ACACB: variants seen among roughly 807,000 people sequenced by gnomAD.
The protein encoded by ACACB is acetyl-CoA carboxylase 2.
A neutral mutation model predicts 278.8 loss-of-function variants in ACACB; 209 were observed. The ratio of observed to expected loss-of-function variants is 0.75; its 90% CI spans 0.67 to 0.84. The LOEUF (loss-of-function observed/expected upper bound fraction) is 0.84. Among genes scored for constraint, ACACB ranks in the 40% least tolerant of loss-of-function variants. ACACB has a pLI of 0.00. For missense variants in ACACB, 2,850 were observed against 3,269.0 expected (o/e 0.87, Z 3.13); for synonymous variants, 1,174 against 1,285.6 (o/e 0.91, Z 1.86).
In ACACB at chr12:109,232,695, A is replaced by T. The variant is rs1271953515; in HGVS notation, c.4028A>T (p.Asn1343Ile). Residue 1343 changes from asparagine (N) to isoleucine (I), a missense_variant, in exon 29 of 53, where the codon AAC becomes ATC. By Grantham distance (149) the Asn-to-Ile change is moderately radical. Around this residue, in one of 3 missense-constraint regions of ACACB, gnomAD observed 2,265 missense variants for 2,561.3 expected, o/e 0.88. Coordinates refer to ENST00000338432, the MANE Select transcript of ACACB (RefSeq NM_001093.4). Reference protein sequence around the residue: ...NRMTVPISITNPDLLRHSTEL... With the variant: ...NRMTVPISITIPDLLRHSTEL... Reference sequence around the variant, plus strand: ...ATGACCGTGCCCATCAGCATCACCAACCCTGACCTGCTGAGGCACAGCACA... The same window carrying T: ...ATGACCGTGCCCATCAGCATCACCATCCCTGACCTGCTGAGGCACAGCACA... 2 of 1,613,800 alleles carry T rather than the reference A, an allele frequency of 1.2e-6. No homozygotes were observed. The highest frequency in any genetic ancestry group is 2.7e-5 in the African/African-American group (2 of 74,834).
At chr12:109,130,143 G>A (rs1229071898) in intron 1 of ACACB, among the ~76,000 whole-genome samples, 1 of 152,134 alleles carries the variant, frequency 6.6e-6, no homozygotes, top group African/African-American at 2.4e-5. Context: ...CACTGCCCAT[G>A]GTGCTCTGAG....
Position 109,246,461 on chromosome 12 carries a change from A to G in ACACB, c.5571+13A>G. ...AGACCCCCACAAAGTACGTCGTGAA[A>G]CTGGCGGGGCAGGGTGATTCTGCTC... On this transcript the variant is annotated intron_variant, in intron 39 of 52. Coordinates refer to ENST00000338432, the MANE Select transcript of ACACB (RefSeq NM_001093.4). 1.2e-6 allele frequency: 2 copies of G among 1,606,020 alleles called. No homozygotes were observed. The highest frequency in any genetic ancestry group is 1.7e-6 in the Non-Finnish European group (2 of 1,173,698).
At chr12:109,128,641 T>G (rs1450589996) in intron 1 of ACACB, among the ~76,000 whole-genome samples, 1 of 152,080 alleles carries the variant, frequency 6.6e-6, no homozygotes, top group Non-Finnish European at 1.5e-5. Flanking sequence ...ACCCAGTCAG[T>G]AATTAGATTT....
intron 37 of ACACB, 61 bp downstream of exon 37, chr12:109,242,653 C>G: frequency 6.4e-7 from 1 of 1,567,968 alleles, no homozygotes; most frequent in Non-Finnish European, 8.7e-7. Flanking sequence ...CCACCAGAAC[C>G]AAAGCCCATC....
chr12:109,179,117 C>A lies in ACACB; in HGVS notation c.1467C>A (p.Ile489=), dbSNP rs555723310. 728 of 1,613,748 alleles carry A rather than the reference C, an allele frequency of 4.5e-4. 4 individuals carry two copies. In the South Asian group the frequency reaches 7.0e-3, roughly 16 times the overall value. The change falls in exon 10 of 53, where the codon ATC becomes ATA. Residue 489 remains isoleucine (I), a synonymous_variant. Coordinates refer to ENST00000338432, the MANE Select transcript of ACACB (RefSeq NM_001093.4). ...AGAGTGAGATCCCAGGCTCGCCCATCTTTCTCATGAAGCTGGCCCAGCACG... is the reference window on the plus strand; with the variant it reads ...AGAGTGAGATCCCAGGCTCGCCCATATTTCTCATGAAGCTGGCCCAGCACG... ...QVQSEIPGSP[I]FLMKLAQHAR... is the part of the protein sequence containing the mutation.
At chr12:109,220,554 T>A (rs569700395) in intron 24 of ACACB, among the ~76,000 whole-genome samples, 1 of 152,070 alleles carries the variant, frequency 6.6e-6, no homozygotes, top group East Asian at 1.9e-4. Flanking sequence ...GTTGTTGTTG[T>A]TGTTTGTTTG....
intron 27 of ACACB, 137 bp downstream of exon 27, chr12:109,224,041 A>G: frequency 1.3e-6 from 1 of 774,426 alleles, no homozygotes; most frequent in Non-Finnish European, 2.2e-6. Context: ...AGCTATGTTA[A>G]TAGTCCCATC....
chr12:109,216,918 A>T lies in ACACB; in HGVS notation c.3562A>T (p.Ile1188Phe). Residue 1188 changes from isoleucine to phenylalanine, a missense_variant and splice_region_variant, in exon 24 of 53, where the codon ATC becomes TTC. Ile to Phe is a conservative substitution (Grantham distance 21, BLOSUM62 0). This residue lies in a region of ACACB where 2,265 missense variants were observed against 2,561.3 expected (regional missense o/e 0.88). Transcript: ENST00000338432. ...GAAGAACCAGCTGGTGATCATGTTG[A>T]TCGTAAGCAGGAAGAGGGCCTGTTA... ...AKKNQLVIML[I>F]DELCGPDPSL... 2 of 1,613,160 alleles carry T rather than the reference A, an allele frequency of 1.2e-6. No individual in the cohort carries two copies. The highest frequency in any genetic ancestry group is 8.5e-7 in the Non-Finnish European group (1 of 1,179,914).
chr12:109,241,085 A>T lies in ACACB; in HGVS notation c.4826A>T (p.Glu1609Val), dbSNP rs368342694. The T allele has an allele frequency of 5.0e-5, 80 of 1,613,684 alleles. No individual in the cohort carries two copies. Among genetic ancestry groups the T allele is most frequent in the Non-Finnish European group, 6.5e-5 (77 of 1,179,762 alleles). ...TGCTGTGTTTTGGGGCAGATCGAGG[A>T]GTCCGTGCGCTACATGGTTATGCGC... is the stretch of plus-strand genomic sequence containing the variant. ...TVIMDPFKIE[E>V]SVRYMVMRYG... The change falls in exon 36 of 53, where the codon GAG (glutamate) becomes GTG (valine). Residue 1609 changes from glutamate to valine, a missense_variant. Coordinates refer to ENST00000338432, the MANE Select transcript of ACACB (RefSeq NM_001093.4).
chr12:109,260,366 C>G lies in ACACB; in HGVS notation c.6497-114C>G, dbSNP rs2047347100. 3.7e-6 allele frequency: 5 copies of G among 1,362,674 alleles called. No individual in the cohort carries two copies. In the South Asian group the frequency reaches 3.9e-5, roughly 11 times the overall value. The allele number at this position is 1,362,674 out of a possible 1,614,324, so 84.4% of individuals were successfully genotyped here. On this transcript the variant is annotated intron_variant, in intron 47 of 52. Coordinates refer to ENST00000338432, the MANE Select transcript of ACACB (RefSeq NM_001093.4). ...TACTCTCAAATCCCAGCCCAGTGCT[C>G]TCCAAGCCTCTCAGCTGGGCTCACT...
intron 14 of ACACB, 36 bp from the exon 15 acceptor site, chr12:109,191,811 G>A (rs754368343): frequency 2.8e-5 from 45 of 1,614,014 alleles, no homozygotes; most frequent in Non-Finnish European, 3.0e-5. Context: ...CCGAGACCTC[G>A]GCTTCCTGAG....
At chr12:109,161,690 G>GTA (rs201029917) in intron 2 of ACACB, among the ~76,000 whole-genome samples, 67 of 151,048 alleles carry the variant, frequency 4.4e-4, no homozygotes, top group African/African-American at 1.1e-3. Context: ...AAAATTTGGT[G>GTA]TATATATATA....
At position 109,265,413 on chromosome 12, in the gene ACACB, G is replaced by T. The variant is rs148106171; in HGVS notation, c.7138G>T (p.Val2380Leu). 9 of 1,613,832 alleles carry T rather than the reference G, an allele frequency of 5.6e-6. No homozygotes were observed. The highest frequency in any genetic ancestry group is 7.6e-6 in the Non-Finnish European group (9 of 1,179,972). Residue 2380 changes from valine to leucine, a missense_variant, in exon 52 of 53, where the codon GTG (valine) becomes TTG (leucine). Transcript: ENST00000338432. ...GGCCTACTTGTGGGACAACAACCAG[G>T]TGGTTGTGCAGTGGCTGGAACAGCA... is the stretch of plus-strand genomic sequence containing the variant. ...VKAYLWDNNQ[V>L]VVQWLEQHWQ...
chr12:109,209,005 CA>C (rs2045601097), intron 20 of ACACB, among the ~76,000 whole-genome samples, 159 bp from the exon 21 acceptor site: 1 of 152,160 alleles, frequency 6.6e-6, no homozygotes, highest in South Asian at 2.1e-4. Flanking sequence ...GTCAGGGGGC[CA>C]TTCCACTCTG....
At chr12:109,260,381 C>T in intron 47 of ACACB, 99 bp from the exon 48 acceptor site, 1 of 1,454,866 alleles carries the variant, frequency 6.9e-7, no homozygotes, top group East Asian at 2.3e-5. Context: ...AGCCTCTCAG[C>T]TGGGCTCACT....
intron 2 of ACACB, among the ~76,000 whole-genome samples, chr12:109,162,268 C>T (rs568836996): frequency 2.7e-4 from 41 of 152,146 alleles, no homozygotes; most frequent in South Asian, 8.3e-4. Context: ...CGTGAGCCAC[C>T]GTGCCCAGCG....
intron 15 of ACACB, among the ~76,000 whole-genome samples, chr12:109,192,616 G>T (rs2044933983): frequency 6.6e-6 from 1 of 152,118 alleles, no homozygotes; most frequent in Non-Finnish European, 1.5e-5. Context: ...ACTGCTGCAA[G>T]AGGCAAAGGA....
At chr12:109,205,442 C>A (rs1444572010) in intron 19 of ACACB, among the ~76,000 whole-genome samples, 1 of 151,522 alleles carries the variant, frequency 6.6e-6, no homozygotes, top group Non-Finnish European at 1.5e-5. Flanking sequence ...TAGGGGAAAA[C>A]CCTCAAGTCA....
chr12:109,194,100 A>C (rs12824299), intron 16 of ACACB, among the ~76,000 whole-genome samples: 25,734 of 151,962 alleles, frequency 0.17, 2,720 homozygotes, highest in East Asian at 0.45. Flanking sequence ...ATCTGTTCCG[A>C]GCCTCCCCAG....
Sources: allele counts gnomAD v4.1 joint callset (sites outside exome capture counted in the v4.1 genomes callset), GRCh38; gene constraint gnomAD v4.1.1; regional missense constraint gnomAD v4.1.1; transcripts MANE v1.5; gene names NCBI Gene and HGNC (gene_info 2026-07-23, HGNC 2026-07-21).